The following RIMBP2 variants were observed in gnomAD, a reference collection of about 807,000 sequenced individuals.
The protein encoded by RIMBP2 is RIMS binding protein 2.
In RIMBP2, 48 loss-of-function variants were observed where a neutral mutation model predicts 118.6. The ratio of observed to expected loss-of-function variants is 0.40; its 90% CI spans 0.32 to 0.51. RIMBP2 has a LOEUF of 0.51. Ranked by LOEUF, RIMBP2 falls within the 20% of genes least tolerant of loss-of-function variation. The pLI is 0.41. For synonymous variants in RIMBP2, 762 were observed against 742.9 expected (o/e 1.03, Z -0.42); for missense variants, 1,551 against 1,768.3 (o/e 0.88, Z 2.20).
intron 4 of RIMBP2, among the ~76,000 whole-genome samples, chr12:130,486,187 C>T (rs2082456692): frequency 6.6e-6 from 1 of 152,136 alleles, no homozygotes; most frequent in African/African-American, 2.4e-5. Context: ...CCGAGGAGTC[C>T]CTGCAGCCCG....
At chr12:130,496,637 C>T (rs1566145654) in intron 4 of RIMBP2, among the ~76,000 whole-genome samples, 5 of 150,272 alleles carry the variant, frequency 3.3e-5, no homozygotes, top group South Asian at 4.3e-4. Flanking sequence ...CCTTCTATGT[C>T]GGGCCCCCAG....
intron 12 of RIMBP2, 31 bp downstream of exon 12, chr12:130,438,334 A>ATCCGGGGGGGCCCC: frequency 7.4e-7 from 1 of 1,344,518 alleles, no homozygotes. Flanking sequence ...GGGCCTAACA[A>ATCCGGGGGGGCCCC]ACCCTCCCCA....
intron 3 of RIMBP2, among the ~76,000 whole-genome samples, chr12:130,514,828 G>A (rs1345754443): frequency 6.6e-6 from 1 of 152,136 alleles, no homozygotes; most frequent in Non-Finnish European, 1.5e-5. Flanking sequence ...GGAAAGTGGG[G>A]GCTGGTGGAA....
chr12:130,397,838 T>A (rs2074180909), intron 22 of RIMBP2: 1 of 237,498 alleles, frequency 4.2e-6, no homozygotes, highest in African/African-American at 2.2e-5. Flanking sequence ...AAATGAAGAC[T>A]AAGGGCAGGG....
rs1051928044 is a variant in RIMBP2, at chr12:130,422,312, C to T, written c.3238+141G>A. ...AGCTTTCATTTATCTTGTGCTGTTC[C>T]TGCCTTCTTTTTGCCATGAATAACA... is the stretch of plus-strand genomic sequence containing the variant. On this transcript the variant is annotated intron_variant, in intron 17 of 22. Coordinates refer to ENST00000690449, the MANE Select transcript of RIMBP2 (RefSeq NM_001393629.1). This position sits in a 1 kb window ranked among gnomAD's most constrained non-coding sequence, Gnocchi z 5.2. 3.6e-6 allele frequency: 2 copies of T among 558,942 alleles called. No homozygotes were observed. Among genetic ancestry groups the T allele is most frequent in the East Asian group, 2.8e-5 (1 of 35,158 alleles). The allele number at this position is 558,942 out of a possible 1,614,324, so 34.6% of individuals were successfully genotyped here.
At position 130,412,768 on chromosome 12, in the gene RIMBP2, G is replaced by T. The variant is rs1565994047; in HGVS notation, c.3440C>A (p.Ala1147Asp). ...QIIKVYGDKD[A>D]DGFYRGETCA... ...GGTTTCCCCACGGTAGAATCCATCAGCGTCTTTATCACCATAAACCTAGAG... is the reference window on the plus strand; with the variant it reads ...GGTTTCCCCACGGTAGAATCCATCATCGTCTTTATCACCATAAACCTAGAG... Residue 1147 changes from alanine (A) to aspartate (D), a missense_variant, in exon 19 of 23, where the codon GCT (alanine) becomes GAT (aspartate). Transcript: ENST00000690449. 2.5e-6 allele frequency: 4 copies of T among 1,613,560 alleles called. No homozygotes were observed. Among genetic ancestry groups the T allele is most frequent in the African/African-American group, 1.3e-5 (1 of 74,972 alleles).
chr12:130,631,497 T>C (rs1348925400), intron 1 of RIMBP2, among the ~76,000 whole-genome samples: 1 of 152,134 alleles, frequency 6.6e-6, no homozygotes, highest in Non-Finnish European at 1.5e-5. Context: ...TGTTTAGCAG[T>C]ATCCCTGCCA....
intron 2 of RIMBP2, among the ~76,000 whole-genome samples, chr12:130,550,236 G>A (rs974762968): frequency 1.3e-5 from 2 of 152,160 alleles, no homozygotes; most frequent in Non-Finnish European, 2.9e-5. Flanking sequence ...TGCTCATGTA[G>A]GTTCCATTTC....
intron 2 of RIMBP2, among the ~76,000 whole-genome samples, chr12:130,544,970 C>G (rs559218691): frequency 1.9e-4 from 29 of 152,258 alleles, no homozygotes; most frequent in African/African-American, 7.0e-4. Context: ...ATGCATCTGC[C>G]TTGGGAACAT....
chr12:130,520,736 C>A (rs1334103819), intron 2 of RIMBP2, among the ~76,000 whole-genome samples: 4 of 150,366 alleles, frequency 2.7e-5, no homozygotes, highest in South Asian at 4.2e-4. Context: ...CGACCCCCTA[C>A]CTCACACTTC....
chr12:130,504,697 A>C (rs2050137239), intron 4 of RIMBP2, among the ~76,000 whole-genome samples: 1 of 152,096 alleles, frequency 6.6e-6, no homozygotes, highest in African/African-American at 2.4e-5. Flanking sequence ...AGCCACCGAG[A>C]CACTGTGGGA....
Position 130,431,391 on chromosome 12 carries a change from G to A in RIMBP2, c.2254-3054C>T. ...TGTAAAACTGGCAGTCTGTGCACCA[G>A]CTCAACTTCAGTCACTCCCTACCAC... On this transcript the variant is annotated intron_variant, in intron 14 of 22. Coordinates refer to ENST00000690449, the MANE Select transcript of RIMBP2 (RefSeq NM_001393629.1). This position sits in a 1 kb window ranked among gnomAD's most constrained non-coding sequence, Gnocchi z 4.0. 1 of 382,554 alleles carries A rather than the reference G, an allele frequency of 2.6e-6. No homozygotes were observed. Among genetic ancestry groups the A allele is most frequent in the Non-Finnish European group, 5.4e-6 (1 of 183,546 alleles). 23.7% of individuals were successfully genotyped at this position (382,554 alleles called of 1,614,324 possible). A position where few individuals can be genotyped will look rare whatever the true frequency, so the allele number is the denominator to read the frequency against.
At chr12:130,646,413 C>CCCTCACCACCTGCCTCATCACCTG (rs2062964333) in intron 1 of RIMBP2, among the ~76,000 whole-genome samples, 1 of 120,132 alleles carries the variant, frequency 8.3e-6, no homozygotes, top group Non-Finnish European at 1.8e-5. Context: ...CTCTCCACCT[C>CCCTCACCACCTGCCTCATCACCTG]CCTCACCACT....
At position 130,482,348 on chromosome 12, in the gene RIMBP2, C is replaced by G. The variant is rs552204264; in HGVS notation, c.-3-3332G>C. Among the ~76,000 whole-genome samples the G allele has an allele frequency of 2.0e-5, 3 of 152,318 alleles. No homozygotes were observed. In the South Asian group the frequency reaches 6.2e-4, roughly 32 times the overall value. On this transcript the variant is annotated intron_variant, in intron 4 of 22. Transcript: ENST00000690449. ...CTACTAGGTGCCAAGAAGCTGGGGA[C>G]ACAGAACAGGACAAACGTGTCTTCA...
chr12:130,475,204 G>A lies in RIMBP2; in HGVS notation c.102+3708C>T, dbSNP rs530733649. On this transcript the variant is annotated intron_variant, in intron 5 of 22. Coordinates refer to ENST00000690449, the MANE Select transcript of RIMBP2 (RefSeq NM_001393629.1). The surrounding 1 kb of genome is among the most constrained non-coding windows in gnomAD (Gnocchi z 4.1). ...CATTCACCCATTTGTTTATTTCTCC[G>A]ATTTAACAAATGCTTTCCCTTTCAC... Among the ~76,000 whole-genome samples the A allele has an allele frequency of 5.8e-4, 88 of 152,316 alleles. No individual in the cohort carries two copies. The highest frequency in any genetic ancestry group is 2.1e-3 in the South Asian group (10 of 4,826).
chr12:130,440,083 C>T (rs1276304061), intron 11 of RIMBP2, among the ~76,000 whole-genome samples: 31 of 151,222 alleles, frequency 2.0e-4, no homozygotes, highest in Admixed American at 1.9e-3. Context: ...TAACCCTGGC[C>T]GTACCTGCAC....
intron 1 of RIMBP2, among the ~76,000 whole-genome samples, chr12:130,685,671 C>CTT (rs2065005988): frequency 1.3e-5 from 2 of 152,126 alleles, no homozygotes; most frequent in African/African-American, 4.8e-5. Flanking sequence ...AGCCCTTGAA[C>CTT]GGCTCAGGTT....
At chr12:130,421,898 AAGTC>A (rs2076438600) in intron 17 of RIMBP2, among the ~76,000 whole-genome samples, 1 of 152,260 alleles carries the variant, frequency 6.6e-6, no homozygotes, top group South Asian at 2.1e-4. Context: ...GAATTCCAAA[AAGTC>A]AGGAAGAGAA....
chr12:130,399,177 T>A (rs1289810858), intron 22 of RIMBP2: 2 of 1,352,088 alleles, frequency 1.5e-6, no homozygotes, highest in Non-Finnish European at 1.9e-6. Context: ...TCCAAGCAGA[T>A]GAGCAAAGAA....
Sources: gnomAD v4.1 joint callset for allele counts (sites outside exome capture counted in the v4.1 genomes callset) on GRCh38, gnomAD v4.1.1 for gene constraint, Gnocchi (gnomAD v3.1) non-coding constraint, MANE v1.5 for transcripts, NCBI Gene and HGNC (gene_info 2026-07-23, HGNC 2026-07-21) for gene names.